BICC1: variants seen among roughly 807,000 people sequenced by gnomAD.
The protein encoded by BICC1 is protein bicaudal C homolog 1.
A neutral mutation model predicts 111.0 loss-of-function variants in BICC1; 43 were observed. The ratio of observed to expected loss-of-function variants is 0.39; its 90% CI spans 0.30 to 0.50. The LOEUF is 0.50. BICC1 is among the 20% of genes least tolerant of loss of function. BICC1 has a pLI of 0.88. For synonymous variants in BICC1, 467 were observed against 434.4 expected, an observed-to-expected ratio of 1.07 and a Z score of -0.93; for missense variants, 1,091 against 1,203.2, an observed-to-expected ratio of 0.91 and a Z score of 1.38.
intron 19 of BICC1, 27 bp from the exon 20 acceptor site, chr10:58,820,342 G>A: frequency 5.5e-6 from 8 of 1,464,498 alleles, no homozygotes; most frequent in Non-Finnish European, 7.7e-6. Context: ...TAATACATTG[G>A]TTATAGATTG....
At chr10:58,546,656 A>C (rs1039389318) in intron 1 of BICC1, among the ~76,000 whole-genome samples, 1 of 152,164 alleles carries the variant, frequency 6.6e-6, no homozygotes, top group South Asian at 2.1e-4. Flanking sequence ...TCATAGTTGC[A>C]GGAAAAACCC....
chr10:58,759,224 T>A (rs1589110300), intron 3 of BICC1, among the ~76,000 whole-genome samples: 2 of 152,092 alleles, frequency 1.3e-5, no homozygotes, highest in Middle Eastern at 3.2e-3. Context: ...CCTCCCAAAG[T>A]GCTGCAATTA....
intron 1 of BICC1, among the ~76,000 whole-genome samples, chr10:58,587,779 C>G (rs1844477909): frequency 1.3e-5 from 2 of 152,064 alleles, no homozygotes; most frequent in South Asian, 4.1e-4. Flanking sequence ...CTAAAAAGCT[C>G]CATTTATTCT....
intron 1 of BICC1, among the ~76,000 whole-genome samples, chr10:58,581,585 A>G (rs979898039): frequency 6.6e-6 from 1 of 152,212 alleles, no homozygotes; most frequent in Non-Finnish European, 1.5e-5. Context: ...GTTGACATCA[A>G]TTGATAGATG....
chr10:58,830,848 A>T lies in BICC1; in HGVS notation c.*1957A>T, dbSNP rs986385663. On this transcript the variant is annotated 3_prime_UTR_variant, in exon 21 of 21. Transcript: ENST00000373886. ...TTTGATTGTATTAATGCATCATGCT[A>T]AACATGTAGTACAGGTTAACAATAC... The T allele has an allele frequency of 3.3e-5, 5 of 152,196 alleles. No individual in the cohort carries two copies. The highest frequency in any genetic ancestry group is 1.2e-4 in the African/African-American group (5 of 41,456). The allele number at this position is 152,196 out of a possible 1,614,324, so 9.4% of individuals were successfully genotyped here.
intron 1 of BICC1, among the ~76,000 whole-genome samples, chr10:58,586,525 G>A (rs1252888715): frequency 2.0e-5 from 3 of 151,316 alleles, no homozygotes; most frequent in African/African-American, 4.9e-5. Context: ...CACTTGAACC[G>A]GGGTTGGGGG....
rs985915301 is a variant in BICC1 at position 58,656,077 on chromosome 10, G to A, written c.237+35176G>A. 1.2e-4 allele frequency among the ~76,000 whole-genome samples: 19 copies of A among 152,266 alleles called. 2 individuals are homozygous for A. Among genetic ancestry groups the A allele is most frequent in the Admixed American group, 9.8e-4 (15 of 15,272 alleles). On this transcript the variant is annotated intron_variant, in intron 2 of 20. Coordinates refer to ENST00000373886, the MANE Select transcript of BICC1 (RefSeq NM_001080512.3). ...CAGAGAATACTACAGACACCTCTAC[G>A]CAAATAAACTGGAAAATCTAGAAGA...
chr10:58,606,267 A>AC (rs1322986878), intron 1 of BICC1, among the ~76,000 whole-genome samples: 1 of 152,110 alleles, frequency 6.6e-6, no homozygotes, highest in Non-Finnish European at 1.5e-5. Context: ...GATACATACA[A>AC]CCCCTACTAA....
At chr10:58,738,869 T>C (rs1841561587) in intron 3 of BICC1, among the ~76,000 whole-genome samples, 1 of 152,180 alleles carries the variant, frequency 6.6e-6, no homozygotes, top group Middle Eastern at 3.4e-3. Context: ...GGGAGTTCAC[T>C]CATGATTTGG....
intron 18 of BICC1, among the ~76,000 whole-genome samples, chr10:58,816,861 G>A (rs932328825): frequency 6.6e-6 from 1 of 151,678 alleles, no homozygotes; most frequent in Non-Finnish European, 1.5e-5. Context: ...GAGAGCCACA[G>A]ACAGTTTGTT....
chr10:58,598,556 A>AAG (rs1844912114), intron 1 of BICC1, among the ~76,000 whole-genome samples: 1 of 152,202 alleles, frequency 6.6e-6, no homozygotes, highest in African/African-American at 2.4e-5. Flanking sequence ...TAAAAATCCT[A>AAG]GAAGAAAACC....
intron 2 of BICC1, among the ~76,000 whole-genome samples, chr10:58,649,899 C>T (rs10732215): frequency 1 from 151,661 of 152,290 alleles, 75,521 homozygotes; most frequent in East Asian, 1. Flanking sequence ...ATCACTACCA[C>T]ATTGTACTTG....
intron 2 of BICC1, among the ~76,000 whole-genome samples, chr10:58,646,105 T>G (rs1485092170): frequency 1.3e-5 from 2 of 152,088 alleles, no homozygotes; most frequent in Admixed American, 1.3e-4. Context: ...ACCATAGATC[T>G]GTCCATTTCC....
Position 58,798,462 on chromosome 10 carries a change from C to A in BICC1, c.1430C>A (p.Ala477Asp). 6.2e-7 allele frequency: 1 copy of A among 1,613,390 alleles called. No homozygotes were observed. Among genetic ancestry groups the A allele is most frequent in the Non-Finnish European group, 8.5e-7 (1 of 1,179,632 alleles). The change falls in exon 11 of 21, where the codon GCT becomes GAT. Residue 477 changes from alanine (A) to aspartate (D), a missense_variant. Physicochemically the swap from Ala to Asp is moderately radical, Grantham distance 126 (BLOSUM62 -2). Transcript: ENST00000373886. ...TSTTPNSLLN[A>D]LNSSVSPLQS... ...ACAACCCCAAACTCACTCTTGAATG[C>A]TCTTAATAGCTCAGTCAGTCCTTTG...
intron 20 of BICC1, chr10:58,823,440 T>C: frequency 6.1e-6 from 6 of 984,118 alleles, no homozygotes; most frequent in Non-Finnish European, 7.2e-6. Context: ...TCTGGAAGAT[T>C]TATCTCTGTG....
chr10:58,512,785 G>C (rs1398851118), upstream of BICC1, among the ~76,000 whole-genome samples: 1 of 151,070 alleles, frequency 6.6e-6, no homozygotes, highest in African/African-American at 2.4e-5. Context: ...GGGCTGGCCG[G>C]GCCAATGAGC....
In BICC1 at chr10:58,829,191, ATTTTTTTTTT is replaced by A. The variant is rs71006209; in HGVS notation, c.*322_*331del. On this transcript the variant is annotated 3_prime_UTR_variant, in exon 21 of 21. Coordinates refer to ENST00000373886, the MANE Select transcript of BICC1 (RefSeq NM_001080512.3). Reference sequence around the variant, plus strand: ...TACCTATATAACATATGCACTGATGATTTTTTTTTTTTTTTTTTTTTTTTTTTTTTTACTT... The same window carrying A: ...TACCTATATAACATATGCACTGATGATTTTTTTTTTTTTTTTTTTTTACTT... 18 of 42,416 alleles carry A rather than the reference ATTTTTTTTTT, an allele frequency of 4.2e-4. No homozygotes were observed. The East Asian group carries it at 6.0e-3, about 14-fold the overall frequency. 2.6% of individuals were successfully genotyped at this position (42,416 alleles called of 1,614,324 possible). A position where few individuals can be genotyped will look rare whatever the true frequency, so the allele number is the denominator to read the frequency against.
chr10:58,794,240 A>G (rs1843279200), intron 9 of BICC1, among the ~76,000 whole-genome samples: 1 of 150,030 alleles, frequency 6.7e-6, no homozygotes, highest in South Asian at 2.1e-4. Context: ...GAAATTGTTT[A>G]GACTACTTAC....
intron 1 of BICC1, among the ~76,000 whole-genome samples, chr10:58,617,578 A>G (rs1017046202): frequency 6.6e-6 from 1 of 152,244 alleles, no homozygotes; most frequent in African/African-American, 2.4e-5. Context: ...AGTTCACTCT[A>G]GTACTGACGC....
Sources: allele counts gnomAD v4.1 joint callset (sites outside exome capture counted in the v4.1 genomes callset), GRCh38; gene constraint gnomAD v4.1.1; transcripts MANE v1.5; gene names NCBI Gene and HGNC (gene_info 2026-07-23, HGNC 2026-07-21).